The following NALF1 variants were observed in gnomAD, a reference collection of about 807,000 sequenced individuals.
The protein encoded by NALF1 is NALCN channel auxiliary factor 1, also known as family with sequence similarity 155 member A.
NALF1 carries 3 observed loss-of-function variants against 48.4 expected under a neutral mutation model. The observed-to-expected ratio is 0.06, with a 90% CI of 0.03 to 0.16. The LOEUF (loss-of-function observed/expected upper bound fraction) is 0.16, where lower values mean the gene tolerates loss of function less well. NALF1 is among the 10% of genes least tolerant of loss of function. The pLI, the probability that NALF1 is intolerant of heterozygous loss-of-function variation, is 1.00. For synonymous variants in NALF1, 262 were observed against 245.7 expected, an observed-to-expected ratio of 1.07 and a Z score of -0.62; for missense variants, 526 against 571.5, an observed-to-expected ratio of 0.92 and a Z score of 0.81.
intron 1 of NALF1, among the ~76,000 whole-genome samples, chr13:107,498,717 G>A (rs28733781): frequency 0.3 from 45,938 of 151,978 alleles, 7,151 homozygotes; most frequent in East Asian, 0.41. Context: ...TTAAGTAGGA[G>A]TTTGAATTTT....
intron 1 of NALF1, among the ~76,000 whole-genome samples, chr13:107,441,914 G>A (rs1218006944): frequency 6.6e-6 from 1 of 152,222 alleles, no homozygotes; most frequent in Non-Finnish European, 1.5e-5. Context: ...AAAACCACAT[G>A]AGGAGGAGGC....
chr13:107,586,635 A>ATTTTTTTTTTTTTTTTTTTTTTTTTTTTT lies in NALF1; in HGVS notation c.915+279046_915+279047insAAAAAAAAAAAAAAAAAAAAAAAAAAAAA, dbSNP rs61429641. 2.2e-3 allele frequency among the ~76,000 whole-genome samples: 204 copies of ATTTTTTTTTTTTTTTTTTTTTTTTTTTTT among 93,062 alleles called. 46 individuals carry two copies. The highest frequency in any genetic ancestry group is 2.9e-3 in the Non-Finnish European group (147 of 50,526). The allele number at this position is 93,062 out of a possible 152,430, so 61.1% of individuals were successfully genotyped here. A position where few individuals can be genotyped will look rare whatever the true frequency, so the allele number is the denominator to read the frequency against. ...CTACATTTAAAGCTCCCCTATGGAG[A>ATTTTTTTTTTTTTTTTTTTTTTTTTTTTT]TTTTTTTTTTTTTTGCTAGGAATGA... is the stretch of plus-strand genomic sequence containing the variant. On this transcript the variant is annotated intron_variant, in intron 1 of 2. Coordinates refer to ENST00000375915, the MANE Select transcript of NALF1 (RefSeq NM_001080396.3).
intron 1 of NALF1, among the ~76,000 whole-genome samples, chr13:107,411,773 G>A (rs1421225483): frequency 1.3e-5 from 2 of 152,130 alleles, no homozygotes; most frequent in African/African-American, 4.8e-5. Context: ...GGTCTGGATC[G>A]ACTTCCTTGA....
At chr13:107,839,964 G>T (rs1880000302) in intron 1 of NALF1, among the ~76,000 whole-genome samples, 1 of 152,044 alleles carries the variant, frequency 6.6e-6, no homozygotes. Context: ...TATATACCAT[G>T]GACTTGCAAT....
chr13:107,842,572 T>G (rs930773870), intron 1 of NALF1, among the ~76,000 whole-genome samples: 9 of 151,688 alleles, frequency 5.9e-5, no homozygotes, highest in Middle Eastern at 3.4e-3. Flanking sequence ...TGGACATAAG[T>G]CCCTCACAAT....
At chr13:107,668,157 T>C (rs1045025985) in intron 1 of NALF1, among the ~76,000 whole-genome samples, 1 of 152,100 alleles carries the variant, frequency 6.6e-6, no homozygotes. Context: ...AAGGCATATA[T>C]CACCTAACAA....
intron 1 of NALF1, among the ~76,000 whole-genome samples, chr13:107,842,658 T>C (rs1880073291): frequency 6.6e-6 from 1 of 151,426 alleles, no homozygotes; most frequent in Admixed American, 6.6e-5. Context: ...ATGGCCTTTA[T>C]GGCAGGTCTA....
intron 1 of NALF1, among the ~76,000 whole-genome samples, chr13:107,700,028 C>T (rs971680828): frequency 6.6e-6 from 1 of 151,878 alleles, no homozygotes; most frequent in Admixed American, 6.6e-5. Context: ...AGGAAGCTAT[C>T]CCATGTTCAT....
In NALF1 at chr13:107,586,635, A is replaced by ATTTTTTT. The variant is rs61429641; in HGVS notation, c.915+279040_915+279046dup. Among the ~76,000 whole-genome samples, 2,397 of 93,086 alleles carry ATTTTTTT rather than the reference A, an allele frequency of 0.026. 416 individuals are homozygous for ATTTTTTT. The East Asian group carries it at 0.29, about 11-fold the overall frequency. 61.1% of individuals were successfully genotyped at this position (93,086 alleles called of 152,430 possible). On this transcript the variant is annotated intron_variant, in intron 1 of 2. Coordinates refer to ENST00000375915, the MANE Select transcript of NALF1 (RefSeq NM_001080396.3). ...CTACATTTAAAGCTCCCCTATGGAG[A>ATTTTTTT]TTTTTTTTTTTTTTGCTAGGAATGA... is the stretch of plus-strand genomic sequence containing the variant.
intron 1 of NALF1, among the ~76,000 whole-genome samples, chr13:107,284,073 T>G (rs1486380232): frequency 6.6e-6 from 1 of 152,038 alleles, no homozygotes; most frequent in East Asian, 1.9e-4. Context: ...TACAGCTACA[T>G]AGGGCAAAGG....
chr13:107,800,024 G>C (rs1324823809), intron 1 of NALF1, among the ~76,000 whole-genome samples: 2 of 152,170 alleles, frequency 1.3e-5, no homozygotes, highest in East Asian at 3.9e-4. Flanking sequence ...GGCGGAGAGG[G>C]AGGTGCTAAT....
At chr13:107,768,269 C>G (rs981893252) in intron 1 of NALF1, among the ~76,000 whole-genome samples, 1 of 152,152 alleles carries the variant, frequency 6.6e-6, no homozygotes, top group Non-Finnish European at 1.5e-5. Flanking sequence ...TAATTTGTTT[C>G]TAACATTATG....
intron 1 of NALF1, among the ~76,000 whole-genome samples, chr13:107,324,654 C>T (rs1030417095): frequency 2.0e-5 from 3 of 152,066 alleles, no homozygotes; most frequent in South Asian, 2.1e-4. Context: ...TAGAATGTTG[C>T]GTATCAGTTG....
intron 1 of NALF1, among the ~76,000 whole-genome samples, chr13:107,523,661 T>G (rs1876327310): frequency 6.6e-6 from 1 of 151,770 alleles, no homozygotes; most frequent in South Asian, 2.1e-4. Flanking sequence ...GGGTGGCTGC[T>G]CTTAGTTTTC....
intron 1 of NALF1, among the ~76,000 whole-genome samples, chr13:107,431,908 T>A (rs2139018132): frequency 6.6e-6 from 1 of 152,280 alleles, no homozygotes; most frequent in South Asian, 2.1e-4. Context: ...TAAAATTAGT[T>A]TTGATGTCCT....
intron 1 of NALF1, among the ~76,000 whole-genome samples, chr13:107,783,428 A>T (rs1237774686): frequency 1.3e-5 from 2 of 152,160 alleles, no homozygotes; most frequent in African/African-American, 4.8e-5. Flanking sequence ...AAAGCGGGGA[A>T]AGGCAGGGAA....
intron 1 of NALF1, among the ~76,000 whole-genome samples, chr13:107,532,828 T>G (rs77652356): frequency 1.0e-5 from 1 of 98,170 alleles, no homozygotes; most frequent in African/African-American, 3.1e-5. Context: ...GGAATATAAT[T>G]TTGTGCTAGT....
At chr13:107,438,849 A>AAAAAAAAAAAAAAAAAAC (rs1566342617) in intron 1 of NALF1, among the ~76,000 whole-genome samples, 1 of 148,078 alleles carries the variant, frequency 6.8e-6, no homozygotes. Flanking sequence ...AAAAAAAAAA[A>AAAAAAAAAAAAAAAAAAC]AAGAATAATA....
chr13:107,674,655 C>T (rs1002873124), intron 1 of NALF1, among the ~76,000 whole-genome samples: 29 of 152,322 alleles, frequency 1.9e-4, no homozygotes, highest in African/African-American at 6.3e-4. Context: ...AACAATCACA[C>T]ATCTACAATA....
Sources: allele counts gnomAD v4.1 joint callset (sites outside exome capture counted in the v4.1 genomes callset), GRCh38; gene constraint gnomAD v4.1.1; transcripts MANE v1.5; gene names NCBI Gene and HGNC (gene_info 2026-07-23, HGNC 2026-07-21).